TSPAN7: variants seen among roughly 807,000 people sequenced by gnomAD.
The protein encoded by TSPAN7 is tetraspanin-7.
Under a neutral mutation model 17.6 loss-of-function variants are expected in TSPAN7, and 1 was observed. The ratio of observed to expected loss-of-function variants is 0.06; its 90% CI spans 0.02 to 0.27. The LOEUF (loss-of-function observed/expected upper bound fraction) is 0.27. Ranked by LOEUF, TSPAN7 falls within the 10% of genes least tolerant of loss-of-function variation. The probability of loss-of-function intolerance (pLI) is 1.00; values close to 1 mark genes in which losing one functional copy is unlikely to be tolerated. For synonymous variants in TSPAN7, 78 were observed against 79.0 expected (o/e 0.99, Z 0.07); for missense variants, 112 against 201.7 (o/e 0.56, Z 2.69).
intron 5 of TSPAN7, among the ~76,000 whole-genome samples, chrX:38,680,173 AT>A (rs1166146286): frequency 5.4e-5 from 6 of 110,259 alleles, no homozygotes; most frequent in Non-Finnish European, 1.1e-4. Flanking sequence ...TTAATGCACC[AT>A]TTTTTTTTCC....
chrX:38,571,025 T>A (rs1417205856), intron 1 of TSPAN7: 1 of 112,417 alleles, frequency 8.9e-6, no homozygotes, highest in Non-Finnish European at 1.9e-5. Context: ...AGTGCAGTTT[T>A]GTTACATATA....
At chrX:38,590,010 C>G (rs1047223616) in intron 1 of TSPAN7, among the ~76,000 whole-genome samples, 7 of 113,003 alleles carry the variant, frequency 6.2e-5, no homozygotes, top group Non-Finnish European at 1.3e-4. Flanking sequence ...TTCTACTTTT[C>G]TCCAACATTC....
chrX:38,658,189 T>G (rs2069716101), intron 1 of TSPAN7, among the ~76,000 whole-genome samples: 1 of 111,180 alleles, frequency 9.0e-6, no homozygotes, highest in Admixed American at 9.6e-5. Flanking sequence ...CCCATAAGTC[T>G]TTTTTTAAAA....
intron 1 of TSPAN7, among the ~76,000 whole-genome samples, chrX:38,584,946 A>G (rs1365593379): frequency 8.9e-6 from 1 of 112,316 alleles, no homozygotes; most frequent in Non-Finnish European, 1.9e-5. Context: ...ATTTTTGAAC[A>G]TTATATAAAT....
At chrX:38,566,203 C>T in intron 1 of TSPAN7, 1 of 295,054 alleles carries the variant, frequency 3.4e-6, no homozygotes, top group Non-Finnish European at 5.2e-6. Context: ...AAGGTAGGTA[C>T]CTCTTTATAT....
intron 1 of TSPAN7, among the ~76,000 whole-genome samples, chrX:38,622,204 T>C (rs749831151): frequency 1.8e-5 from 2 of 112,285 alleles, no homozygotes; most frequent in Non-Finnish European, 3.8e-5. Context: ...ATCTATACTT[T>C]CTTTGATTTG....
At chrX:38,675,149 C>G (rs73198493) in intron 4 of TSPAN7, among the ~76,000 whole-genome samples, 3,877 of 111,995 alleles carry the variant, frequency 0.035, 74 homozygotes, top group Non-Finnish European at 0.053. Flanking sequence ...GTCACAACTA[C>G]TCATCTCTGC....
chrX:38,572,944 C>T (rs770435097), intron 1 of TSPAN7, among the ~76,000 whole-genome samples: 2 of 111,564 alleles, frequency 1.8e-5, no homozygotes, highest in South Asian at 3.8e-4. Context: ...TGTGAAGTCT[C>T]GGCTAGTACC....
chrX:38,563,247 C>A, intron 1 of TSPAN7: 1 of 576,048 alleles, frequency 1.7e-6, no homozygotes, highest in Non-Finnish European at 2.4e-6. Flanking sequence ...TTTGGACTGA[C>A]AACGACACAG....
chrX:38,613,345 C>G (rs1406947479), intron 1 of TSPAN7, among the ~76,000 whole-genome samples: 1 of 112,098 alleles, frequency 8.9e-6, no homozygotes, highest in Non-Finnish European at 1.9e-5. Context: ...TGTATAGTTT[C>G]TGTTCCCAGT....
chrX:38,642,564 C>G (rs760059535), intron 1 of TSPAN7, among the ~76,000 whole-genome samples: 8 of 112,049 alleles, frequency 7.1e-5, no homozygotes, highest in Non-Finnish European at 1.5e-4. Context: ...GCCGCAAAAT[C>G]CAGAGGATGA....
rs1042040048 is a variant in TSPAN7, at chrX:38,593,393, G to A, written c.81+31766G>A. Among the ~76,000 whole-genome samples the A allele has an allele frequency of 2.7e-5, 3 of 111,158 alleles. No homozygotes were observed. The East Asian group carries it at 8.4e-4, about 31-fold the overall frequency. Reference sequence around the variant, plus strand: ...ATGGTATTTAGAAACTAGGGGCTGGGTGCTAGGTATGTTTGTTGCCACTGG... The same window carrying A: ...ATGGTATTTAGAAACTAGGGGCTGGATGCTAGGTATGTTTGTTGCCACTGG... On this transcript the variant is annotated intron_variant, in intron 1 of 7. Coordinates refer to ENST00000378482, the MANE Select transcript of TSPAN7 (RefSeq NM_004615.4).
intron 1 of TSPAN7, among the ~76,000 whole-genome samples, chrX:38,571,136 C>T (rs933922149): frequency 7.2e-5 from 8 of 111,201 alleles, no homozygotes; most frequent in Non-Finnish European, 1.5e-4. Context: ...GTGCTTTCTG[C>T]AAGATATAGT....
chrX:38,600,146 G>A (rs766324028), intron 1 of TSPAN7, among the ~76,000 whole-genome samples: 1 of 111,693 alleles, frequency 9.0e-6, no homozygotes, highest in Non-Finnish European at 1.9e-5. Flanking sequence ...TCTTGGCAGA[G>A]TCCAGAGAGA....
At chrX:38,636,199 T>A (rs891809827) in intron 1 of TSPAN7, among the ~76,000 whole-genome samples, 8 of 111,025 alleles carry the variant, frequency 7.2e-5, no homozygotes, top group African/African-American at 2.6e-4. Flanking sequence ...TAAGTATACC[T>A]GCCCTGTCCA....
intron 1 of TSPAN7, among the ~76,000 whole-genome samples, chrX:38,562,020 C>T (rs1021879822): frequency 1.7e-4 from 19 of 112,799 alleles, no homozygotes; most frequent in African/African-American, 5.8e-4. Context: ...AGCCGGTTCG[C>T]GGCGCCTCTT....
chrX:38,667,837 C>T (rs1486811962), intron 2 of TSPAN7, among the ~76,000 whole-genome samples: 1 of 111,808 alleles, frequency 8.9e-6, no homozygotes, highest in Non-Finnish European at 1.9e-5. Context: ...TCCTCAACTC[C>T]AGATACATGA....
chrX:38,596,974 A>T (rs748277091), intron 1 of TSPAN7, among the ~76,000 whole-genome samples: 2 of 111,250 alleles, frequency 1.8e-5, no homozygotes, highest in Non-Finnish European at 3.8e-5. Flanking sequence ...GACACTTTTG[A>T]ACTCATTCTG....
intron 3 of TSPAN7, among the ~76,000 whole-genome samples, chrX:38,672,031 G>C (rs1212934301): frequency 9.0e-6 from 1 of 111,173 alleles, no homozygotes; most frequent in African/African-American, 3.3e-5. Flanking sequence ...CTGGGCAAGA[G>C]AGTGAGATCC....
Sources: gnomAD v4.1 joint callset for allele counts (sites outside exome capture counted in the v4.1 genomes callset) on GRCh38, gnomAD v4.1.1 for gene constraint, MANE v1.5 for transcripts, NCBI Gene and HGNC (gene_info 2026-07-23, HGNC 2026-07-21) for gene names.